DTNA: variants seen among roughly 807,000 people sequenced by gnomAD.
DTNA encodes the protein dystrobrevin alpha.
Under a neutral mutation model 100.7 loss-of-function variants are expected in DTNA, and 43 were observed. The ratio of observed to expected loss-of-function variants is 0.43; its 90% CI spans 0.33 to 0.55. The LOEUF is 0.55. Ranked by LOEUF, DTNA falls within the 20% of genes least tolerant of loss-of-function variation. The pLI is 0.04. For missense variants in DTNA, 798 were observed against 953.9 expected (o/e 0.84, Z 2.15); for synonymous variants, 349 against 347.9 (o/e 1.00, Z -0.04).
At chr18:34,568,876 A>G (rs903615447) in intron 1 of DTNA, among the ~76,000 whole-genome samples, 1 of 152,180 alleles carries the variant, frequency 6.6e-6, no homozygotes, top group African/African-American at 2.4e-5. Flanking sequence ...TTGGTCTCCC[A>G]AAGTGCTGGG....
At chr18:34,741,746 G>A (rs1292441693) in intron 1 of DTNA, among the ~76,000 whole-genome samples, 1 of 151,356 alleles carries the variant, frequency 6.6e-6, no homozygotes, top group Admixed American at 6.6e-5. Context: ...ATTTATATCT[G>A]ATATTAGTCA....
At chr18:34,696,744 A>G (rs2080617619) in intron 1 of DTNA, among the ~76,000 whole-genome samples, 1 of 152,184 alleles carries the variant, frequency 6.6e-6, no homozygotes, top group Non-Finnish European at 1.5e-5. Flanking sequence ...TTGGAAAGAA[A>G]GATGATTTTT....
chr18:34,753,366 ATTTTT>A (rs757853063), intron 1 of DTNA, among the ~76,000 whole-genome samples: 27 of 133,158 alleles, frequency 2.0e-4, no homozygotes, highest in Non-Finnish European at 3.1e-4. Flanking sequence ...TATTTATTTT[ATTTTT>A]TTTTTTTTTT....
At position 34,855,667 on chromosome 18, in the gene DTNA, T is replaced by G. The variant is rs150464668; in HGVS notation, c.1533-2618T>G. Reference sequence around the variant, plus strand: ...AACATCAAGGTCAAAGGGGGCTTTGTGGAATATCAAAAGGAGGTCAACCCT... The same window carrying G: ...AACATCAAGGTCAAAGGGGGCTTTGGGGAATATCAAAAGGAGGTCAACCCT... On this transcript the variant is annotated intron_variant, in intron 15 of 22. Transcript: ENST00000444659. Among the ~76,000 whole-genome samples, 981 of 152,250 alleles carry G rather than the reference T, an allele frequency of 6.4e-3. 6 individuals are homozygous for G. The highest frequency in any genetic ancestry group is 0.011 in the Non-Finnish European group (737 of 68,016).
At chr18:34,658,794 A>G (rs1007958188) in intron 1 of DTNA, among the ~76,000 whole-genome samples, 5 of 152,234 alleles carry the variant, frequency 3.3e-5, no homozygotes, top group Admixed American at 1.3e-4. Context: ...ATTTATTTCT[A>G]CAGTGCTCAT....
intron 13 of DTNA, among the ~76,000 whole-genome samples, chr18:34,839,483 A>G (rs575261363): frequency 9.2e-5 from 14 of 152,154 alleles, no homozygotes; most frequent in Middle Eastern, 3.2e-3. Flanking sequence ...GCTTTTCTCC[A>G]TTTTCATTGT....
intron 1 of DTNA, among the ~76,000 whole-genome samples, chr18:34,671,217 G>T (rs529244805): frequency 3.2e-4 from 49 of 152,310 alleles, no homozygotes; most frequent in African/African-American, 1.2e-3. Context: ...TGGGGCGTGA[G>T]ACCCTCCGAG....
intron 16 of DTNA, among the ~76,000 whole-genome samples, chr18:34,860,230 T>TG (rs1177688942): frequency 6.8e-5 from 9 of 133,190 alleles, no homozygotes; most frequent in East Asian, 2.1e-4. Flanking sequence ...GTTTTTTTTT[T>TG]TTTTTTTTTT....
Position 34,645,197 on chromosome 18 carries a change from A to G in DTNA, c.-1-110779A>G, listed in dbSNP as rs1402923725. 2.6e-5 allele frequency among the ~76,000 whole-genome samples: 4 copies of G among 152,124 alleles called. No homozygotes were observed. The East Asian group carries it at 7.7e-4, about 29-fold the overall frequency. On this transcript the variant is annotated intron_variant, in intron 1 of 19. Transcript: ENST00000283365. ...TCCAGCCTGTCTATTCTGATTCTGG[A>G]AAACCTTTGGCAATTTTCATGCTAG...
At chr18:34,633,018 TA>T (rs1173747932) in intron 1 of DTNA, among the ~76,000 whole-genome samples, 1 of 152,190 alleles carries the variant, frequency 6.6e-6, no homozygotes, top group Non-Finnish European at 1.5e-5. Flanking sequence ...TAGTAAATGG[TA>T]AAACCAGTAT....
At chr18:34,765,804 A>G in intron 2 of DTNA, 157 bp from the exon 3 acceptor site, 1 of 673,486 alleles carries the variant, frequency 1.5e-6, no homozygotes, top group Non-Finnish European at 2.4e-6. Context: ...TTGTCCTTGA[A>G]TAGGACAGAC....
In DTNA at chr18:34,546,018, G is replaced by A. The variant is rs77993763; in HGVS notation, c.-2+52504G>A. Among the ~76,000 whole-genome samples the A allele has an allele frequency of 2.6e-3, 388 of 152,144 alleles. 3 individuals carry two copies. The highest frequency in any genetic ancestry group is 8.9e-3 in the African/African-American group (371 of 41,530). On this transcript the variant is annotated intron_variant, in intron 1 of 19. Coordinates refer to the DTNA transcript ENST00000283365. ...GATCTATGGGAGGCTCGGCTCTGTA[G>A]TACTCATATAATCATACTGTGGGAA...
At chr18:34,597,988 T>C (rs1322758502) in intron 1 of DTNA, among the ~76,000 whole-genome samples, 1 of 152,222 alleles carries the variant, frequency 6.6e-6, no homozygotes, top group Non-Finnish European at 1.5e-5. Flanking sequence ...CTCAAAAAAA[T>C]GTTTAAGAAA....
At chr18:34,569,943 A>G (rs1313106873) in intron 1 of DTNA, among the ~76,000 whole-genome samples, 2 of 152,130 alleles carry the variant, frequency 1.3e-5, no homozygotes, top group Non-Finnish European at 2.9e-5. Flanking sequence ...AAACATTCAG[A>G]CTAATGTTTG....
At chr18:34,861,214 G>C (rs988026766) in intron 16 of DTNA, among the ~76,000 whole-genome samples, 10 of 151,944 alleles carry the variant, frequency 6.6e-5, no homozygotes, top group African/African-American at 2.4e-4. Context: ...GGCCGGGCGC[G>C]GTGGCTCACA....
intron 1 of DTNA, among the ~76,000 whole-genome samples, chr18:34,594,894 A>G (rs986629012): frequency 6.6e-6 from 1 of 152,190 alleles, no homozygotes; most frequent in African/African-American, 2.4e-5. Context: ...AGCAAGACCT[A>G]TACTCAAGAA....
chr18:34,496,205 A>AACACACACACACACAC lies in DTNA; in HGVS notation c.-2+2716_-2+2731dup, dbSNP rs367764683. On this transcript the variant is annotated intron_variant, in intron 1 of 19. Coordinates refer to the DTNA transcript ENST00000283365. ...CAGTGGTTAACCATCCCCTCCCTGCAACACACACACACACACACACACACA... is the reference window on the plus strand; with the variant it reads ...CAGTGGTTAACCATCCCCTCCCTGCAACACACACACACACACACACACACACACACACACACACACA... Among the ~76,000 whole-genome samples, 1,225 of 138,580 alleles carry AACACACACACACACAC rather than the reference A, an allele frequency of 8.8e-3. 9 individuals are homozygous for AACACACACACACACAC. Among genetic ancestry groups the AACACACACACACACAC allele is most frequent in the African/African-American group, 0.019 (696 of 35,782 alleles). The allele number at this position is 138,580 out of a possible 152,430, so 90.9% of individuals were successfully genotyped here.
intron 1 of DTNA, among the ~76,000 whole-genome samples, chr18:34,543,188 G>A (rs143746521): frequency 2.4e-3 from 367 of 151,854 alleles, no homozygotes; most frequent in African/African-American, 8.2e-3. Context: ...ACTTTGCTGC[G>A]GTGTTGTCAG....
intron 1 of DTNA, among the ~76,000 whole-genome samples, chr18:34,520,012 G>A (rs2042012724): frequency 1.3e-5 from 2 of 152,162 alleles, no homozygotes. Flanking sequence ...AGTTCTAGAA[G>A]AAGCTGATGT....
Sources: allele counts gnomAD v4.1 joint callset (sites outside exome capture counted in the v4.1 genomes callset), GRCh38; gene constraint gnomAD v4.1.1; transcripts MANE v1.5; gene names NCBI Gene and HGNC (gene_info 2026-07-23, HGNC 2026-07-21).